GTPBP1: variants seen among roughly 807,000 people sequenced by gnomAD.
GTPBP1 encodes the protein GTP binding protein 1.
GTPBP1 carries 23 observed loss-of-function variants against 62.0 expected under a neutral mutation model. That is an observed-to-expected ratio of 0.37 (90% CI 0.27 to 0.53). The LOEUF (loss-of-function observed/expected upper bound fraction) is 0.53. Among genes scored for constraint, GTPBP1 ranks in the 20% least tolerant of loss-of-function variants. GTPBP1 has a pLI of 0.89. For synonymous variants in GTPBP1, 344 were observed against 364.4 expected, an observed-to-expected ratio of 0.94 and a Z score of 0.64; for missense variants, 640 against 917.3, an observed-to-expected ratio of 0.70 and a Z score of 3.90.
At chr22:38,738,188 C>G, downstream of GTPBP1, 1 of 1,613,982 alleles carries the variant, frequency 6.2e-7, no homozygotes, top group Non-Finnish European at 8.5e-7. This position sits in a 1 kb window ranked among gnomAD's most constrained non-coding sequence, Gnocchi z 6.6. Flanking sequence ...AGTGAAACGT[C>G]TGAATAGGCT....
chr22:38,724,028 G>A (rs1255356511), intron 5 of GTPBP1, among the ~76,000 whole-genome samples: 1 of 152,104 alleles, frequency 6.6e-6, no homozygotes, highest in East Asian at 1.9e-4. Flanking sequence ...ATGCTTACAG[G>A]AGGCAGGTCG....
chr22:38,734,525 C>G (rs1302274091), downstream of GTPBP1: 1 of 316,518 alleles, frequency 3.2e-6, no homozygotes, highest in South Asian at 2.3e-5. Flanking sequence ...CTTCCTCATG[C>G]CAGCCCTTGA....
In GTPBP1 at chr22:38,729,724, C is replaced by T. The variant is rs182170516; in HGVS notation, c.1917+62C>T. 654 of 1,272,140 alleles carry T rather than the reference C, an allele frequency of 5.1e-4. 7 individuals carry two copies. In the African/African-American group the frequency reaches 9.3e-3, roughly 18 times the overall value. 78.8% of individuals were successfully genotyped at this position (1,272,140 alleles called of 1,614,324 possible). ...GGGGGCTGTGGCTTTTACTCTGATT[C>T]GGTGAGGGTGACATGTAGGCAAGCC... On this transcript the variant is annotated intron_variant, in intron 11 of 11. Transcript: ENST00000216044.
intron 2 of GTPBP1, among the ~76,000 whole-genome samples, chr22:38,709,943 T>G (rs2284073): frequency 6.6e-6 from 1 of 152,048 alleles, no homozygotes; most frequent in Non-Finnish European, 1.5e-5. Flanking sequence ...GAGTATATTA[T>G]GGTTTCTTCC....
intron 5 of GTPBP1, chr22:38,723,228 TC>T: frequency 9.6e-7 from 1 of 1,041,252 alleles, no homozygotes; most frequent in Non-Finnish European, 1.5e-6. Flanking sequence ...CCAAATTATT[TC>T]CCCTTAAAGT....
In GTPBP1 at chr22:38,730,787, C is replaced by G. The variant is rs1192586383; in HGVS notation, c.*83C>G. On this transcript the variant is annotated 3_prime_UTR_variant, in exon 12 of 12. Coordinates refer to ENST00000216044, the MANE Select transcript of GTPBP1 (RefSeq NM_004286.5). This position sits in a 1 kb window ranked among gnomAD's most constrained non-coding sequence, Gnocchi z 5.6. ...ACCAGATGGGCAGAGCAGCTATGAC[C>G]GCCACCCAGCCCTCCCGCTCAGGCC... The G allele has an allele frequency of 1.4e-6, 1 of 731,140 alleles. No individual in the cohort carries two copies. Among genetic ancestry groups the G allele is most frequent in the African/African-American group, 1.8e-5 (1 of 55,906 alleles). 45.3% of individuals were successfully genotyped at this position (731,140 alleles called of 1,614,324 possible).
rs1451303080 is a variant in GTPBP1 at position 38,710,416 on chromosome 22, A to G, written c.304+1460A>G. Among the ~76,000 whole-genome samples the G allele has an allele frequency of 3.3e-5, 5 of 152,204 alleles. No homozygotes were observed. The East Asian group carries it at 5.8e-4, about 18-fold the overall frequency. On this transcript the variant is annotated intron_variant, in intron 2 of 11. Coordinates refer to ENST00000216044, the MANE Select transcript of GTPBP1 (RefSeq NM_004286.5). ...TAAAGAAGAAGGATTTGCTCTCCAG[A>G]TGCAGCTGTGCCTTCCTTTGAAATA...
downstream of GTPBP1, chr22:38,734,645 C>G (rs558019018): frequency 1.5e-5 from 3 of 198,508 alleles, no homozygotes; most frequent in East Asian, 1.8e-4. Context: ...TGGGGACATT[C>G]GTTTGGCCAA....
chr22:38,721,968 T>C, intron 5 of GTPBP1, 103 bp downstream of exon 5: 1 of 671,782 alleles, frequency 1.5e-6, no homozygotes. Context: ...AAACTTCTTT[T>C]CTTTTTTATT....
chr22:38,742,376 C>T (rs778038446), downstream of GTPBP1: 3 of 1,613,186 alleles, frequency 1.9e-6, no homozygotes, highest in Admixed American at 3.3e-5. Flanking sequence ...GCCCCTCCAG[C>T]AGCGCCAGGG....
rs1022349962 is a variant in GTPBP1 at position 38,730,359 on chromosome 22, G to T, written c.1918-253G>T. On this transcript the variant is annotated intron_variant, in intron 11 of 11. Transcript: ENST00000216044. This position sits in a 1 kb window ranked among gnomAD's most constrained non-coding sequence, Gnocchi z 5.6. ...CTGCTTTGTGCTTCTCTGAACGGCC[G>T]CTTCTCACACCCTCATCATGTGTGT... Among the ~76,000 whole-genome samples the T allele has an allele frequency of 1.3e-5, 2 of 152,114 alleles. No individual in the cohort carries two copies. The highest frequency in any genetic ancestry group is 2.9e-5 in the Non-Finnish European group (2 of 68,018).
chr22:38,715,315 C>T (rs2092663372), intron 2 of GTPBP1, among the ~76,000 whole-genome samples: 1 of 152,136 alleles, frequency 6.6e-6, no homozygotes, highest in Non-Finnish European at 1.5e-5. Context: ...CATGTAGTCT[C>T]CCGACACTCC....
At chr22:38,737,923 A>G, downstream of GTPBP1, 1 of 672,654 alleles carries the variant, frequency 1.5e-6, no homozygotes. This position sits in a 1 kb window ranked among gnomAD's most constrained non-coding sequence, Gnocchi z 4.1. Flanking sequence ...CTCTTGTGTA[A>G]AGCCCACCTC....
intron 6 of GTPBP1, among the ~76,000 whole-genome samples, chr22:38,724,984 C>T (rs189111466): frequency 6.6e-6 from 1 of 152,304 alleles, no homozygotes; most frequent in Non-Finnish European, 1.5e-5. Context: ...TCCTTGTCCT[C>T]AAGGTGTTCA....
intron 2 of GTPBP1, among the ~76,000 whole-genome samples, chr22:38,712,418 G>C (rs1223149379): frequency 6.6e-6 from 1 of 152,206 alleles, no homozygotes; most frequent in African/African-American, 2.4e-5. Flanking sequence ...AGGCTGGGCA[G>C]AGGAAGGCAG....
chr22:38,728,103 T>TA lies in GTPBP1; in HGVS notation c.1659dup (p.Asp554ArgfsTer37). The TA allele has an allele frequency of 6.2e-7, 1 of 1,613,714 alleles. No homozygotes were observed. Among genetic ancestry groups the TA allele is most frequent in the Non-Finnish European group, 8.5e-7 (1 of 1,179,662 alleles). On this transcript the variant is annotated frameshift_variant, in exon 10 of 12. Transcript: ENST00000216044. LOFTEE classifies it high-confidence loss of function. ...ATCAAGACCCCTGAGTACCTGCACA[T>TA]AGACCAGCGGCTGGTGTTCCGGGAA...
At chr22:38,741,703 G>T, downstream of GTPBP1, 2 of 784,432 alleles carry the variant, frequency 2.5e-6, no homozygotes, top group Non-Finnish European at 4.2e-6. Context: ...AGCCTTCTCT[G>T]AACCACGCAA....
rs1254496359 is a variant in GTPBP1 at position 38,705,991 on chromosome 22, G to C, written c.36G>C (p.Ser12=). The C allele has an allele frequency of 4.1e-6, 6 of 1,454,926 alleles. No individual in the cohort carries two copies. The allele number at this position is 1,454,926 out of a possible 1,614,324, so 90.1% of individuals were successfully genotyped here. Reference sequence around the variant, plus strand: ...AGCGCAGTCGCTCCGCGATGGACTCGCCGGTCCCGGCCTCTATGTTCGCCC... The same window carrying C: ...AGCGCAGTCGCTCCGCGATGGACTCCCCGGTCCCGGCCTCTATGTTCGCCC... ...ATERSRSAMD[S]PVPASMFAPE... The change falls in exon 1 of 12, where the codon TCG becomes TCC. Residue 12 remains serine, a synonymous_variant. Coordinates refer to ENST00000216044, the MANE Select transcript of GTPBP1 (RefSeq NM_004286.5).
chr22:38,736,168 G>T, downstream of GTPBP1: 2 of 1,146,896 alleles, frequency 1.7e-6, no homozygotes, highest in Non-Finnish European at 2.6e-6. Flanking sequence ...CCTCTCTTGT[G>T]CTCCTAGAAG....
Sources: gnomAD v4.1 joint callset for allele counts (sites outside exome capture counted in the v4.1 genomes callset) on GRCh38, gnomAD v4.1.1 for gene constraint, Gnocchi (gnomAD v3.1) non-coding constraint, MANE v1.5 for transcripts, NCBI Gene and HGNC (gene_info 2026-07-23, HGNC 2026-07-21) for gene names.